AP3B1: variants seen among roughly 807,000 people sequenced by gnomAD.
AP3B1 encodes AP-3 complex subunit beta-1.
A neutral mutation model predicts 132.5 loss-of-function variants in AP3B1; 61 were observed. The ratio of observed to expected loss-of-function variants is 0.46; its 90% CI spans 0.37 to 0.57. AP3B1 has a LOEUF of 0.57. AP3B1 is among the 20% of genes least tolerant of loss of function. The pLI is 0.00. For synonymous variants in AP3B1, 388 were observed against 438.3 expected (o/e 0.89, Z 1.43); for missense variants, 1,120 against 1,289.4 (o/e 0.87, Z 2.01).
chr5:78,050,873 C>T (rs979668183), intron 22 of AP3B1, among the ~76,000 whole-genome samples: 14 of 152,172 alleles, frequency 9.2e-5, no homozygotes, highest in African/African-American at 2.9e-4. Context: ...GTAATTAGTT[C>T]AGTAACTGCA....
chr5:78,235,605 C>T (rs1228894692), intron 3 of AP3B1, among the ~76,000 whole-genome samples: 1 of 152,206 alleles, frequency 6.6e-6, no homozygotes, highest in Non-Finnish European at 1.5e-5. Flanking sequence ...AGCCTACCTT[C>T]CCTGAAACCA....
chr5:78,256,733 C>T (rs1747864483), intron 2 of AP3B1, among the ~76,000 whole-genome samples: 1 of 151,944 alleles, frequency 6.6e-6, no homozygotes, highest in South Asian at 2.1e-4. Flanking sequence ...AAATGACACC[C>T]CAATATCTCT....
chr5:78,023,705 G>T (rs1747208008), intron 24 of AP3B1, among the ~76,000 whole-genome samples: 1 of 152,146 alleles, frequency 6.6e-6, no homozygotes, highest in South Asian at 2.1e-4. Context: ...CAGGAAAAAA[G>T]GCGTGTGCCA....
intron 21 of AP3B1, among the ~76,000 whole-genome samples, chr5:78,098,305 A>C (rs550730008): frequency 2.4e-5 from 2 of 84,774 alleles, no homozygotes; most frequent in Non-Finnish European, 5.2e-5. Context: ...AATAAAAAAT[A>C]AAAAAAAAAA....
At position 78,156,300 on chromosome 5, in the gene AP3B1, A is replaced by G. The variant is rs781433328; in HGVS notation, c.1431T>C (p.Gly477=). Residue 477 remains glycine (G), a synonymous_variant, in exon 14 of 27, where the codon GGT becomes GGC. Transcript: ENST00000255194. ...KLLQMQPAQH[G]EIIKHMAKLL... ...GTTTGGCCATATGTTTAATAATTTC[A>G]CCATGTTGTGCAGGTTGCATTTGCA... 6.2e-7 allele frequency: 1 copy of G among 1,613,808 alleles called. No homozygotes were observed. Among genetic ancestry groups the G allele is most frequent in the South Asian group, 1.1e-5 (1 of 91,080 alleles).
intron 22 of AP3B1, among the ~76,000 whole-genome samples, chr5:78,054,898 T>A (rs1218230812): frequency 6.6e-6 from 1 of 151,792 alleles, no homozygotes; most frequent in Non-Finnish European, 1.5e-5. Flanking sequence ...GGGAAAAGGA[T>A]CCTCATACAT....
At chr5:78,189,270 T>A (rs77199279) in intron 7 of AP3B1, among the ~76,000 whole-genome samples, 1 of 152,090 alleles carries the variant, frequency 6.6e-6, no homozygotes, top group African/African-American at 2.4e-5. Flanking sequence ...TTTAAACTTA[T>A]GTAAATGTTT....
Position 78,181,624 on chromosome 5 carries a change from T to C in AP3B1, c.825A>G (p.Glu275=), listed in dbSNP as rs984547397. The change falls in exon 8 of 27, where the codon GAA becomes GAG. Residue 275 remains glutamate (E), a synonymous_variant. Transcript: ENST00000255194. ...TCTTTTCCTTCTGATCATCATCAGA[T>C]TCGTAGAAATTCTTTCCATTGTCTT... ...ELEDNGKNFY[E]SDDDQKEKTD... 3.1e-6 allele frequency: 5 copies of C among 1,611,968 alleles called. No homozygotes were observed. The highest frequency in any genetic ancestry group is 4.2e-6 in the Non-Finnish European group (5 of 1,179,272).
rs114778216 is a variant in AP3B1 at position 78,287,994 on chromosome 5, C to T, written c.128+6458G>A. Among the ~76,000 whole-genome samples, 1,464 of 152,212 alleles carry T rather than the reference C, an allele frequency of 9.6e-3. 14 individuals carry two copies. The highest frequency in any genetic ancestry group is 0.02 in the Middle Eastern group (6 of 294). The stretch of plus-strand genomic sequence containing the variant: ...CTGAAGCATATTTTCATAGCAGCAA[C>T]CCTGAACTCCTGAGCACAAGAGAAA... On this transcript the variant is annotated intron_variant, in intron 1 of 26. Transcript: ENST00000255194.
At chr5:78,211,289 TATC>T (rs995274158) in intron 7 of AP3B1, among the ~76,000 whole-genome samples, 7 of 152,218 alleles carry the variant, frequency 4.6e-5, no homozygotes, top group Admixed American at 4.6e-4. Context: ...ATCCACTATT[TATC>T]ATCAAAGATG....
intron 22 of AP3B1, among the ~76,000 whole-genome samples, chr5:78,071,063 T>C (rs371906947): frequency 3.9e-5 from 6 of 152,322 alleles, no homozygotes; most frequent in Middle Eastern, 6.8e-3. Context: ...ACTGGGTATA[T>C]ACCCAAAGGA....
rs1650779134 is a variant in AP3B1, at chr5:78,117,869, A to C, written c.1969-1635T>G. On this transcript the variant is annotated intron_variant, in intron 17 of 26. Transcript: ENST00000255194. ...ATCATGCTTCATATATGATTTTTTAAAAAGCAGGGAAATGTATACTTCTGA... is the reference window on the plus strand; with the variant it reads ...ATCATGCTTCATATATGATTTTTTACAAAGCAGGGAAATGTATACTTCTGA... Among the ~76,000 whole-genome samples, 4 of 152,198 alleles carry C rather than the reference A, an allele frequency of 2.6e-5. No homozygotes were observed. The South Asian group carries it at 8.3e-4, about 32-fold the overall frequency.
intron 9 of AP3B1, among the ~76,000 whole-genome samples, chr5:78,176,531 T>C (rs997251156): frequency 2.6e-5 from 4 of 152,292 alleles, no homozygotes; most frequent in South Asian, 2.1e-4. Flanking sequence ...ACGCAATTAG[T>C]GGAAACAAGC....
At chr5:78,245,903 TG>T (rs1747359776) in intron 2 of AP3B1, among the ~76,000 whole-genome samples, 1 of 152,236 alleles carries the variant, frequency 6.6e-6, no homozygotes, top group Non-Finnish European at 1.5e-5. Context: ...CCAGCGATTC[TG>T]CCCTTTGAAG....
intron 2 of AP3B1, among the ~76,000 whole-genome samples, chr5:78,266,293 C>T (rs1366744716): frequency 6.6e-6 from 1 of 152,142 alleles, no homozygotes; most frequent in Non-Finnish European, 1.5e-5. Context: ...CCCATAAATA[C>T]TCCTATGTAT....
intron 25 of AP3B1, among the ~76,000 whole-genome samples, chr5:78,017,589 G>GA (rs1304512835): frequency 6.6e-6 from 1 of 151,910 alleles, no homozygotes; most frequent in African/African-American, 2.4e-5. Context: ...TGCTAGCTAG[G>GA]AACTCATAAG....
downstream of AP3B1, chr5:78,001,398 A>T (rs190487989): frequency 6.6e-6 from 1 of 152,328 alleles, no homozygotes; most frequent in Admixed American, 6.5e-5. Context: ...CTCCAGAGGG[A>T]AGTGGAACTC....
chr5:78,003,071 G>C lies in AP3B1; in HGVS notation c.3132-16C>G. 1 of 1,613,680 alleles carries C rather than the reference G, an allele frequency of 6.2e-7. No individual in the cohort carries two copies. The highest frequency in any genetic ancestry group is 8.5e-7 in the Non-Finnish European group (1 of 1,179,842). On this transcript the variant is annotated splice_polypyrimidine_tract_variant and intron_variant, in intron 26 of 26. Transcript: ENST00000255194. Reference sequence around the variant, plus strand: ...AGCTGCAAACCTGGAAGAGAAAAAAGAGAGACCTTTTATCATAAGATGGGG... The same window carrying C: ...AGCTGCAAACCTGGAAGAGAAAAAACAGAGACCTTTTATCATAAGATGGGG...
chr5:78,020,062 A>G (rs1747028060), intron 25 of AP3B1, among the ~76,000 whole-genome samples: 1 of 152,146 alleles, frequency 6.6e-6, no homozygotes. Flanking sequence ...TTTTATTAGA[A>G]GGTATGTTTG....
Sources: allele counts gnomAD v4.1 joint callset (sites outside exome capture counted in the v4.1 genomes callset), GRCh38; gene constraint gnomAD v4.1.1; transcripts MANE v1.5; gene names NCBI Gene and HGNC (gene_info 2026-07-23, HGNC 2026-07-21).